Variants in TRIP12 observed in about 807,000 individuals in gnomAD.
TRIP12 encodes the protein E3 ubiquitin-protein ligase TRIP12.
Under a neutral mutation model 244.2 loss-of-function variants are expected in TRIP12, and 25 were observed. That is an observed-to-expected ratio of 0.10 (90% CI 0.07 to 0.14). The LOEUF is 0.14. TRIP12 is among the 10% of genes least tolerant of loss of function. The probability of loss-of-function intolerance (pLI) is 1.00; values close to 1 mark genes in which losing one functional copy is unlikely to be tolerated. For synonymous variants in TRIP12, 905 were observed against 873.1 expected, an observed-to-expected ratio of 1.04 and a Z score of -0.64; for missense variants, 1,677 against 2,486.4, an observed-to-expected ratio of 0.67 and a Z score of 6.92.
intron 4 of TRIP12, among the ~76,000 whole-genome samples, chr2:229,846,060 G>T (rs2057524607): frequency 6.7e-6 from 1 of 149,672 alleles, no homozygotes; most frequent in African/African-American, 2.4e-5. Context: ...TTTTTGTCTT[G>T]AGATGGAATT....
intron 1 of TRIP12, chr2:229,921,615 A>T (rs981855624): frequency 6.6e-6 from 1 of 151,732 alleles, no homozygotes; most frequent in African/African-American, 2.4e-5. Context: ...GGAGGGACCC[A>T]GCGACCCCTA....
intron 4 of TRIP12, among the ~76,000 whole-genome samples, chr2:229,849,627 C>T (rs1265995935): frequency 6.6e-6 from 1 of 152,010 alleles, no homozygotes; most frequent in Non-Finnish European, 1.5e-5. Context: ...CTTTCGGAGG[C>T]CTAGATAGGA....
At position 229,808,374 on chromosome 2, in the gene TRIP12, A is replaced by G. The variant is rs749247939; in HGVS notation, c.2222-5T>C. On this transcript the variant is annotated splice_region_variant and splice_polypyrimidine_tract_variant and intron_variant, in intron 15 of 41. Transcript: ENST00000675903. The stretch of plus-strand genomic sequence containing the variant: ...AGTGAAGCGTTTCTGCAATGTCTGT[A>G]AAAACCAACAACAAAAAACAAAAGG... The G allele has an allele frequency of 1.2e-6, 2 of 1,601,546 alleles. No homozygotes were observed. Among genetic ancestry groups the G allele is most frequent in the Non-Finnish European group, 1.7e-6 (2 of 1,171,822 alleles).
At chr2:229,920,221 G>C (rs2076242399) in intron 1 of TRIP12, among the ~76,000 whole-genome samples, 1 of 152,088 alleles carries the variant, frequency 6.6e-6, no homozygotes, top group Admixed American at 6.5e-5. Flanking sequence ...TTTTTAAAGA[G>C]GAGACTCTGA....
chr2:229,917,009 A>G (rs1344029029), intron 1 of TRIP12, among the ~76,000 whole-genome samples: 5 of 152,200 alleles, frequency 3.3e-5, no homozygotes, highest in Non-Finnish European at 7.3e-5. Context: ...TCAAGTCTGT[A>G]ACACAGCTGC....
At chr2:229,900,464 T>C (rs1476543069) in intron 1 of TRIP12, among the ~76,000 whole-genome samples, 1 of 152,222 alleles carries the variant, frequency 6.6e-6, no homozygotes, top group African/African-American at 2.4e-5. Context: ...ACAGTTTCCA[T>C]TTGCAGTCCC....
intron 30 of TRIP12, among the ~76,000 whole-genome samples, chr2:229,790,263 T>C (rs1159855361): frequency 2.0e-5 from 3 of 152,210 alleles, no homozygotes; most frequent in East Asian, 1.9e-4. Context: ...GTTATTAGAC[T>C]GCATTAAGTA....
chr2:229,906,493 G>A (rs1166906887), intron 1 of TRIP12, among the ~76,000 whole-genome samples: 1 of 151,234 alleles, frequency 6.6e-6, no homozygotes. Context: ...AGGCCGAGGC[G>A]GGTGGATCAT....
chr2:229,917,482 A>G (rs917939741), intron 1 of TRIP12, among the ~76,000 whole-genome samples: 1 of 149,936 alleles, frequency 6.7e-6, no homozygotes, highest in Non-Finnish European at 1.5e-5. Flanking sequence ...AACATCCACC[A>G]GATTTTTACT....
intron 1 of TRIP12, among the ~76,000 whole-genome samples, chr2:229,889,461 T>G (rs554660931): frequency 7.2e-5 from 11 of 152,292 alleles, no homozygotes; most frequent in African/African-American, 2.6e-4. Context: ...AGGATATTCT[T>G]CAGGTCTCAA....
chr2:229,847,178 C>T (rs1002695648), intron 4 of TRIP12, among the ~76,000 whole-genome samples: 3 of 152,138 alleles, frequency 2.0e-5, no homozygotes, highest in Non-Finnish European at 4.4e-5. Flanking sequence ...CATATCTAGC[C>T]ATTACGAATG....
intron 1 of TRIP12, among the ~76,000 whole-genome samples, chr2:229,912,028 A>G (rs368320107): frequency 6.6e-6 from 1 of 152,220 alleles, no homozygotes; most frequent in Non-Finnish European, 1.5e-5. Context: ...TAGGTATCAA[A>G]AAGTATTTTG....
rs1574629413 is a variant in TRIP12 at position 229,767,495 on chromosome 2, A to G, written c.*59T>C. The G allele has an allele frequency of 6.6e-7, 1 of 1,524,040 alleles. No individual in the cohort carries two copies. The highest frequency in any genetic ancestry group is 8.8e-7 in the Non-Finnish European group (1 of 1,136,116). 94.4% of individuals were successfully genotyped at this position (1,524,040 alleles called of 1,614,324 possible). On this transcript the variant is annotated 3_prime_UTR_variant, in exon 42 of 42. Transcript: ENST00000675903. ...CTTGACTCAGGTGATAACATTAGAAAAGAAATCATGATTTGTTTCTTTTGC... is the reference window on the plus strand; with the variant it reads ...CTTGACTCAGGTGATAACATTAGAAGAGAAATCATGATTTGTTTCTTTTGC...
intron 40 of TRIP12, 137 bp from the exon 41 acceptor site, chr2:229,768,856 T>TAATC: frequency 1.2e-6 from 1 of 803,966 alleles, no homozygotes; most frequent in Non-Finnish European, 1.9e-6. Context: ...ACAATGTACT[T>TAATC]AAATTCGTTT....
At chr2:229,771,729 CT>C (rs1295892089) in intron 38 of TRIP12, 97 bp from the exon 39 acceptor site, 6 of 809,980 alleles carry the variant, frequency 7.4e-6, no homozygotes. Context: ...TTCTGGATCA[CT>C]TTATAAAGAA....
chr2:229,845,334 C>G (rs558782155), intron 4 of TRIP12, among the ~76,000 whole-genome samples: 63 of 152,260 alleles, frequency 4.1e-4, no homozygotes, highest in African/African-American at 1.5e-3. Context: ...TAGTCTAGAG[C>G]AGGTGTTGAC....
At chr2:229,840,711 A>G (rs1017701663) in intron 5 of TRIP12, 111 bp downstream of exon 5, 3 of 817,410 alleles carry the variant, frequency 3.7e-6, no homozygotes, top group Non-Finnish European at 5.6e-6. Context: ...AAAAAACAAA[A>G]CAAAACAAAC....
chr2:229,804,314 G>A, intron 18 of TRIP12, 87 bp from the exon 19 acceptor site: 2 of 1,184,390 alleles, frequency 1.7e-6, no homozygotes, highest in South Asian at 3.2e-5. Context: ...TCAAGCCAGT[G>A]TAATTCTTGA....
chr2:229,916,577 A>G (rs1026435738), intron 1 of TRIP12, among the ~76,000 whole-genome samples: 1 of 152,206 alleles, frequency 6.6e-6, no homozygotes, highest in South Asian at 2.1e-4. Flanking sequence ...AAGCATAACC[A>G]TGAAACTGAC....
Sources: gnomAD v4.1 joint callset for allele counts (sites outside exome capture counted in the v4.1 genomes callset) on GRCh38, gnomAD v4.1.1 for gene constraint, MANE v1.5 for transcripts, NCBI Gene and HGNC (gene_info 2026-07-23, HGNC 2026-07-21) for gene names.